The following ZIM2 variants were observed in gnomAD, a reference collection of about 807,000 sequenced individuals.
The protein encoded by ZIM2 is zinc finger imprinted 2, also known as zinc finger protein 656.
In ZIM2, 14 loss-of-function variants were observed where a neutral mutation model predicts 38.6. The ratio of observed to expected loss-of-function variants is 0.36; its 90% CI spans 0.24 to 0.57. The LOEUF is 0.57. Ranked by LOEUF, ZIM2 falls within the 20% of genes least tolerant of loss-of-function variation. The pLI is 0.81. For synonymous variants in ZIM2, 247 were observed against 245.8 expected (o/e 1.00, Z -0.04); for missense variants, 680 against 695.1 (o/e 0.98, Z 0.24).
chr19:56,834,954 A>G (rs986458579), intron 2 of ZIM2, among the ~76,000 whole-genome samples: 1 of 152,110 alleles, frequency 6.6e-6, no homozygotes, highest in Non-Finnish European at 1.5e-5. Context: ...CAAATGAACA[A>G]ACAGACAACC....
chr19:56,813,772 T>C (rs761729777), intron 9 of ZIM2: 1 of 1,614,114 alleles, frequency 6.2e-7, no homozygotes, highest in South Asian at 1.1e-5. Context: ...ATCAGCTTGA[T>C]TGGCACCACC....
At chr19:56,819,998 A>G (rs1428426834) in intron 7 of ZIM2, among the ~76,000 whole-genome samples, 1 of 152,246 alleles carries the variant, frequency 6.6e-6, no homozygotes, top group African/African-American at 2.4e-5. Flanking sequence ...GCAAGGAAAC[A>G]CAGCAGAGCT....
intron 2 of ZIM2, among the ~76,000 whole-genome samples, chr19:56,831,543 A>G (rs1401971767): frequency 1.3e-5 from 2 of 152,244 alleles, no homozygotes; most frequent in Non-Finnish European, 2.9e-5. Flanking sequence ...CATCTCTGGA[A>G]GGCTAAGGCC....
rs769156928 is a variant in ZIM2 at position 56,775,325 on chromosome 19, G to A, written c.1040C>T (p.Thr347Met). ...PQEGTAPGIC[T>M]SPQSASQENK... ...CTCTTGGGATGCTGACTGGGGACTCGTACATATTCCAGGAGCAGTGCCTTC... is the reference window on the plus strand; with the variant it reads ...CTCTTGGGATGCTGACTGGGGACTCATACATATTCCAGGAGCAGTGCCTTC... Residue 347 changes from threonine (T) to methionine (M), a missense_variant, in exon 13 of 13, where the codon ACG becomes ATG. Transcript: ENST00000629319. The A allele has an allele frequency of 2.1e-5, 34 of 1,614,016 alleles. No homozygotes were observed. The highest frequency in any genetic ancestry group is 1.6e-4 in the East Asian group (7 of 44,902).
chr19:56,803,288 G>T (rs1470103205), intron 9 of ZIM2, among the ~76,000 whole-genome samples: 2 of 152,190 alleles, frequency 1.3e-5, no homozygotes, highest in African/African-American at 2.4e-5. Context: ...CAACTGCTTA[G>T]AGGTGATGGT....
intron 7 of ZIM2, among the ~76,000 whole-genome samples, chr19:56,820,662 A>T (rs1229652599): frequency 6.6e-6 from 1 of 152,164 alleles, no homozygotes; most frequent in Non-Finnish European, 1.5e-5. Context: ...ATTTCCCTTC[A>T]ATCCAAATCA....
chr19:56,811,371 T>C, intron 9 of ZIM2: 1 of 872,842 alleles, frequency 1.1e-6, no homozygotes, highest in African/African-American at 1.8e-5. Flanking sequence ...GTTATAACTG[T>C]AGTATAAATA....
At position 56,814,067 on chromosome 19, in the gene ZIM2, C is replaced by T. The variant is rs1336457830; in HGVS notation, c.490+3679G>A. On this transcript the variant is annotated intron_variant, in intron 9 of 12. Coordinates refer to ENST00000629319, the MANE Select transcript of ZIM2 (RefSeq NM_001387356.1). The surrounding 1 kb of genome is among the most constrained non-coding windows in gnomAD (Gnocchi z 5.8). ...TCTTCAGCTCTTTCTTCTGGGTCTT[C>T]AATACCTGCACCATCTGGCTCATCA... is the stretch of plus-strand genomic sequence containing the variant. The T allele has an allele frequency of 1.9e-6, 3 of 1,614,190 alleles. No individual in the cohort carries two copies. Among genetic ancestry groups the T allele is most frequent in the South Asian group, 1.1e-5 (1 of 91,086 alleles).
Position 56,776,652 on chromosome 19 carries a change from A to G in ZIM2, c.836-1123T>C, listed in dbSNP as rs113650367. ...CTGTCAACCAATCCTCTTTAATTCA[A>G]TATTTATTAAATGCCTGTTTTGTGC... On this transcript the variant is annotated intron_variant, in intron 12 of 12. Transcript: ENST00000629319. 5.5e-3 allele frequency among the ~76,000 whole-genome samples: 837 copies of G among 152,252 alleles called. 6 individuals are homozygous for G. The highest frequency in any genetic ancestry group is 0.019 in the African/African-American group (799 of 41,522).
chr19:56,823,465 T>TCTGAGTCCTTCA (rs2060700850), intron 5 of ZIM2, 125 bp downstream of exon 5: 3 of 1,030,186 alleles, frequency 2.9e-6, no homozygotes, highest in Non-Finnish European at 4.4e-6. Flanking sequence ...TCCTCAGATC[T>TCTGAGTCCTTCA]CTGAGTGAAG....
rs2061040282 is a variant in ZIM2, at chr19:56,826,447, A to T, written c.-210T>A. 6.6e-6 allele frequency: 1 copy of T among 152,242 alleles called. No individual in the cohort carries two copies. The highest frequency in any genetic ancestry group is 2.1e-4 in the South Asian group (1 of 4,828). The allele number at this position is 152,242 out of a possible 1,614,324, so 9.4% of individuals were successfully genotyped here. On this transcript the variant is annotated 5_prime_UTR_variant, in exon 3 of 13. Transcript: ENST00000629319. Reference sequence around the variant, plus strand: ...ACCAAGCAGCTATCCACAGGAACAGAGTCAAAACACAGGTATCTGCAGAAG... The same window carrying T: ...ACCAAGCAGCTATCCACAGGAACAGTGTCAAAACACAGGTATCTGCAGAAG...
rs766689714 is a variant in ZIM2 at position 56,816,007 on chromosome 19, G to C, written c.490+1739C>G. On this transcript the variant is annotated intron_variant, in intron 9 of 12. Coordinates refer to ENST00000629319, the MANE Select transcript of ZIM2 (RefSeq NM_001387356.1). ...AGCACGAACTCTCTGATGGTTGATA[G>C]CATCGAAGCTCTGAATGGTAGACTC... 5 of 1,588,040 alleles carry C rather than the reference G, an allele frequency of 3.1e-6. No homozygotes were observed. The Admixed American group carries it at 8.8e-5, about 28-fold the overall frequency.
intron 9 of ZIM2, chr19:56,791,410 AT>A (rs2046924199): frequency 6.6e-6 from 1 of 152,262 alleles, no homozygotes; most frequent in African/African-American, 2.4e-5. Context: ...AGTGTTCACT[AT>A]TAGCATTTTA....
chr19:56,815,384 C>A, intron 9 of ZIM2: 2 of 1,614,144 alleles, frequency 1.2e-6, no homozygotes, highest in Non-Finnish European at 1.7e-6. Flanking sequence ...TGCTCTTGGG[C>A]GTAACTTGTT....
At chr19:56,823,519 C>T (rs542849048) in intron 5 of ZIM2, 71 bp downstream of exon 5, 193 of 1,584,996 alleles carry the variant, frequency 1.2e-4, no homozygotes, top group Middle Eastern at 1.8e-4. Context: ...GAGGCCCCAA[C>T]CCACTGTGTC....
chr19:56,816,461 C>G, intron 9 of ZIM2: 8 of 1,613,846 alleles, frequency 5.0e-6, no homozygotes, highest in Non-Finnish European at 6.8e-6. Context: ...TCCTCACACA[C>G]TTTACCCTTG....
chr19:56,814,123 T>C lies in ZIM2; in HGVS notation c.490+3623A>G. The C allele has an allele frequency of 6.2e-7, 1 of 1,614,184 alleles. No homozygotes were observed. The highest frequency in any genetic ancestry group is 1.1e-5 in the South Asian group (1 of 91,080). ...CCCATTTGGCTGCTCGGCCTCTCCA[T>C]TTGGCTGTCCAGCCTCTCCAATGGG... On this transcript the variant is annotated intron_variant, in intron 9 of 12. Transcript: ENST00000629319. The surrounding 1 kb of genome is among the most constrained non-coding windows in gnomAD (Gnocchi z 5.8).
At chr19:56,799,807 A>G (rs117278963) in intron 9 of ZIM2, among the ~76,000 whole-genome samples, 1,897 of 152,334 alleles carry the variant, frequency 0.012, 22 homozygotes, top group Non-Finnish European at 0.019. Flanking sequence ...ATAGTAGAAT[A>G]AATAACCAAA....
chr19:56,796,628 G>A (rs918688596), intron 9 of ZIM2, among the ~76,000 whole-genome samples: 3 of 152,182 alleles, frequency 2.0e-5, no homozygotes, highest in East Asian at 1.9e-4. Context: ...GGACAACTGG[G>A]GTGAGCTTGC....
Sources: gnomAD v4.1 joint callset for allele counts (sites outside exome capture counted in the v4.1 genomes callset) on GRCh38, gnomAD v4.1.1 for gene constraint, Gnocchi (gnomAD v3.1) non-coding constraint, MANE v1.5 for transcripts, NCBI Gene and HGNC (gene_info 2026-07-23, HGNC 2026-07-21) for gene names.